HS3ST4: variants seen among roughly 807,000 people sequenced by gnomAD.
The protein encoded by HS3ST4 is heparan sulfate glucosamine 3-O-sulfotransferase 4.
Under a neutral mutation model 29.2 loss-of-function variants are expected in HS3ST4, and 17 were observed. The ratio of observed to expected loss-of-function variants is 0.58; its 90% CI spans 0.40 to 0.87. The LOEUF (loss-of-function observed/expected upper bound fraction) is 0.87, where lower values mean the gene tolerates loss of function less well. Among genes scored for constraint, HS3ST4 ranks in the 40% least tolerant of loss-of-function variants. The pLI is 0.00. For synonymous variants in HS3ST4, 314 were observed against 285.7 expected, an observed-to-expected ratio of 1.10 and a Z score of -1.00; for missense variants, 627 against 634.5, an observed-to-expected ratio of 0.99 and a Z score of 0.13.
chr16:25,777,692 C>T (rs1966848883), intron 1 of HS3ST4, among the ~76,000 whole-genome samples: 1 of 152,158 alleles, frequency 6.6e-6, no homozygotes. Flanking sequence ...CACTTGAACC[C>T]AGGAGACAGA....
At chr16:25,898,895 A>G (rs1378354819) in intron 1 of HS3ST4, among the ~76,000 whole-genome samples, 3 of 152,220 alleles carry the variant, frequency 2.0e-5, no homozygotes, top group East Asian at 3.9e-4. Flanking sequence ...ATGTAACTCA[A>G]TGCTCTTTAG....
chr16:26,066,908 G>T (rs1201266588), intron 1 of HS3ST4, among the ~76,000 whole-genome samples: 1 of 152,206 alleles, frequency 6.6e-6, no homozygotes, highest in Admixed American at 6.5e-5. Flanking sequence ...CTGTGGGGTT[G>T]TGTAGGCATC....
chr16:26,014,581 G>A (rs1047076456), intron 1 of HS3ST4, among the ~76,000 whole-genome samples: 2 of 152,080 alleles, frequency 1.3e-5, no homozygotes, highest in Non-Finnish European at 2.9e-5. Flanking sequence ...ACTTATTAGC[G>A]AGAGCACACT....
intron 1 of HS3ST4, among the ~76,000 whole-genome samples, chr16:26,048,866 A>G (rs1596662651): frequency 1.3e-5 from 2 of 152,108 alleles, no homozygotes; most frequent in African/African-American, 4.8e-5. Flanking sequence ...TCTCGCAGCA[A>G]GAAAGTCATT....
At chr16:26,076,687 C>A (rs4337302) in intron 1 of HS3ST4, among the ~76,000 whole-genome samples, 33,043 of 152,022 alleles carry the variant, frequency 0.22, 3,715 homozygotes, top group South Asian at 0.26. Flanking sequence ...TTGAGGTAAC[C>A]AGAATTATAC....
intron 1 of HS3ST4, among the ~76,000 whole-genome samples, chr16:25,760,294 C>A (rs1966781588): frequency 6.6e-6 from 1 of 152,186 alleles, no homozygotes; most frequent in Admixed American, 6.5e-5. Context: ...GGCCTCTTTC[C>A]TTGGCTTGCA....
At chr16:25,743,704 C>G (rs1396020413) in intron 1 of HS3ST4, among the ~76,000 whole-genome samples, 1 of 152,104 alleles carries the variant, frequency 6.6e-6, no homozygotes, top group East Asian at 1.9e-4. Context: ...TGGGTTTTCA[C>G]CATGTTAGCC....
intron 1 of HS3ST4, among the ~76,000 whole-genome samples, chr16:25,879,876 T>C (rs1333431907): frequency 3.3e-5 from 5 of 151,962 alleles, no homozygotes; most frequent in Non-Finnish European, 7.4e-5. Flanking sequence ...AGGCACATCT[T>C]ACATCACAGC....
chr16:26,038,654 T>TTATGTATG (rs551652348), intron 1 of HS3ST4, among the ~76,000 whole-genome samples: 2,675 of 149,736 alleles, frequency 0.018, 69 homozygotes, highest in African/African-American at 0.057. Context: ...TTTTTTTTAA[T>TTATGTATG]TATGTATGTA....
intron 1 of HS3ST4, among the ~76,000 whole-genome samples, chr16:25,911,900 T>C (rs568021805): frequency 6.6e-6 from 1 of 152,260 alleles, no homozygotes; most frequent in East Asian, 1.9e-4. Flanking sequence ...TCAATAAATG[T>C]ATTGAATAAG....
chr16:25,771,327 C>T (rs540775564), intron 1 of HS3ST4, among the ~76,000 whole-genome samples: 2 of 152,140 alleles, frequency 1.3e-5, no homozygotes, highest in Non-Finnish European at 2.9e-5. Context: ...GGAGCCTGTT[C>T]TTAGAAACTA....
In HS3ST4 at chr16:25,862,163, A is replaced by ATATTTATTTATT. The variant is rs60894635; in HGVS notation, c.734+169046_734+169057dup. On this transcript the variant is annotated intron_variant, in intron 1 of 1. Transcript: ENST00000331351. Reference sequence around the variant, plus strand: ...TCCTATGAGAATTTTATTTATTTACATATTTATTTATTTATTTATTTATTT... The same window carrying ATATTTATTTATT: ...TCCTATGAGAATTTTATTTATTTACATATTTATTTATTTATTTATTTATTTATTTATTTATTT... Among the ~76,000 whole-genome samples, 1,088 of 144,746 alleles carry ATATTTATTTATT rather than the reference A, an allele frequency of 7.5e-3. 6 individuals carry two copies. Among genetic ancestry groups the ATATTTATTTATT allele is most frequent in the Middle Eastern group, 0.011 (3 of 282 alleles). The allele number at this position is 144,746 out of a possible 152,430, so 95.0% of individuals were successfully genotyped here.
intron 1 of HS3ST4, among the ~76,000 whole-genome samples, chr16:25,813,435 T>G (rs1967062562): frequency 6.6e-6 from 1 of 151,918 alleles, no homozygotes; most frequent in South Asian, 2.1e-4. Flanking sequence ...CCGTCTCCAC[T>G]AAAAATACAA....
Position 25,825,235 on chromosome 16 carries a change from C to T in HS3ST4, c.734+132084C>T, listed in dbSNP as rs551315849. On this transcript the variant is annotated intron_variant, in intron 1 of 1. Transcript: ENST00000331351. ...AGGAAGAGGCAAGTAAGGATCCTCTCGTGAAACCTTCAGAGTATGACTCTG... is the reference window on the plus strand; with the variant it reads ...AGGAAGAGGCAAGTAAGGATCCTCTTGTGAAACCTTCAGAGTATGACTCTG... Among the ~76,000 whole-genome samples, 3 of 152,318 alleles carry T rather than the reference C, an allele frequency of 2.0e-5. No individual in the cohort carries two copies. In the South Asian group the frequency reaches 6.2e-4, roughly 32 times the overall value.
intron 1 of HS3ST4, among the ~76,000 whole-genome samples, chr16:25,762,386 G>A (rs1966793843): frequency 6.6e-6 from 1 of 152,150 alleles, no homozygotes. Flanking sequence ...GTGGGTGATG[G>A]GCATGGGCTG....
intron 1 of HS3ST4, among the ~76,000 whole-genome samples, chr16:25,969,967 G>T (rs1267688633): frequency 6.6e-6 from 1 of 152,196 alleles, no homozygotes; most frequent in African/African-American, 2.4e-5. Flanking sequence ...CCCCAAACAC[G>T]AATGCTGCTC....
intron 1 of HS3ST4, among the ~76,000 whole-genome samples, chr16:25,701,662 TTTAG>T (rs977112420): frequency 2.1e-4 from 32 of 152,204 alleles, no homozygotes; most frequent in African/African-American, 4.8e-4. Context: ...GCAGCTGTTA[TTTAG>T]TTATTCATTC....
rs563448691 is a variant in HS3ST4 at position 25,899,475 on chromosome 16, A to G, written c.734+206324A>G. Among the ~76,000 whole-genome samples, 51 of 151,860 alleles carry G rather than the reference A, an allele frequency of 3.4e-4. No homozygotes were observed. The South Asian group carries it at 0.01, about 30-fold the overall frequency. On this transcript the variant is annotated intron_variant, in intron 1 of 1. Transcript: ENST00000331351. Reference sequence around the variant, plus strand: ...CAGTTCTGTCCAGTGCAATGTCAGGACAGGTATGCTGATTGAACTCCTTTT... The same window carrying G: ...CAGTTCTGTCCAGTGCAATGTCAGGGCAGGTATGCTGATTGAACTCCTTTT...
At chr16:25,913,962 TGTG>T (rs895722993) in intron 1 of HS3ST4, among the ~76,000 whole-genome samples, 14 of 146,356 alleles carry the variant, frequency 9.6e-5, no homozygotes, top group Non-Finnish European at 1.4e-4. Flanking sequence ...GTGTAAGTGA[TGTG>T]GTAGATGTGT....
Sources: allele counts gnomAD v4.1 joint callset (sites outside exome capture counted in the v4.1 genomes callset), GRCh38; gene constraint gnomAD v4.1.1; transcripts MANE v1.5; gene names NCBI Gene and HGNC (gene_info 2026-07-23, HGNC 2026-07-21).